The following IGF2BP1 variants were observed in gnomAD, a reference collection of about 807,000 sequenced individuals.
IGF2BP1 encodes insulin like growth factor 2 mRNA binding protein 1.
In IGF2BP1, 11 loss-of-function variants were observed where a neutral mutation model predicts 74.9. The observed-to-expected ratio is 0.15, with a 90% CI of 0.09 to 0.24. The LOEUF (loss-of-function observed/expected upper bound fraction) is 0.24. Ranked by LOEUF, IGF2BP1 falls within the 10% of genes least tolerant of loss-of-function variation. The pLI, the probability that IGF2BP1 is intolerant of heterozygous loss-of-function variation, is 1.00. For synonymous variants in IGF2BP1, 287 were observed against 281.8 expected (o/e 1.02, Z -0.18); for missense variants, 440 against 757.4 (o/e 0.58, Z 4.92).
upstream of IGF2BP1, among the ~76,000 whole-genome samples, chr17:48,997,063 A>G (rs900902150): frequency 4.0e-5 from 6 of 151,568 alleles, no homozygotes; most frequent in African/African-American, 1.2e-4. The surrounding 1 kb of genome is among the most constrained non-coding windows in gnomAD (Gnocchi z 4.8). Flanking sequence ...AAATAACCGT[A>G]CATTTTACCC....
intron 12 of IGF2BP1, among the ~76,000 whole-genome samples, chr17:49,045,655 A>G (rs532172144): frequency 4.6e-5 from 7 of 152,264 alleles, no homozygotes; most frequent in African/African-American, 1.4e-4. Context: ...GTGTTTATTC[A>G]ATTACTCATA....
In IGF2BP1 at chr17:49,049,493, C is replaced by T. The variant is rs1328099816; in HGVS notation, c.*49C>T. On this transcript the variant is annotated 3_prime_UTR_variant, in exon 15 of 15. Coordinates refer to ENST00000290341, the MANE Select transcript of IGF2BP1 (RefSeq NM_006546.4). The stretch of plus-strand genomic sequence containing the variant: ...GTCCAGGACAACAACGGGCAGAAAT[C>T]GAGAGTGTGCTCTCCCCGGCAGGCC... 4 of 1,503,264 alleles carry T rather than the reference C, an allele frequency of 2.7e-6. No homozygotes were observed. Among genetic ancestry groups the T allele is most frequent in the South Asian group, 1.1e-5 (1 of 87,596 alleles). 93.1% of individuals were successfully genotyped at this position (1,503,264 alleles called of 1,614,324 possible). A position where few individuals can be genotyped will look rare whatever the true frequency, so the allele number is the denominator to read the frequency against.
rs1006219314 is a variant in IGF2BP1, at chr17:49,052,916, A to G, written c.*3472A>G. 2.0e-5 allele frequency: 3 copies of G among 152,244 alleles called. No homozygotes were observed. The highest frequency in any genetic ancestry group is 6.5e-5 in the Admixed American group (1 of 15,282). The allele number at this position is 152,244 out of a possible 1,614,324, so 9.4% of individuals were successfully genotyped here. ...TTAAATTCTTTGAAACACATAACCAAAATGGTTTGATTCACTGACTGACTT... is the reference window on the plus strand; with the variant it reads ...TTAAATTCTTTGAAACACATAACCAGAATGGTTTGATTCACTGACTGACTT... On this transcript the variant is annotated 3_prime_UTR_variant, in exon 15 of 15. Transcript: ENST00000290341.
intron 3 of IGF2BP1, 96 bp downstream of exon 3, chr17:49,025,762 C>A: frequency 8.8e-7 from 1 of 1,130,652 alleles, no homozygotes; most frequent in Non-Finnish European, 1.3e-6. Flanking sequence ...TTGGGGAGGT[C>A]TGGGGCCAGG....
At chr17:49,015,783 TG>T (rs1037420726) in intron 2 of IGF2BP1, among the ~76,000 whole-genome samples, 18 of 152,156 alleles carry the variant, frequency 1.2e-4, no homozygotes, top group African/African-American at 3.6e-4. Context: ...TTGGCCTCCT[TG>T]GGGGCTGCTC....
intron 5 of IGF2BP1, among the ~76,000 whole-genome samples, chr17:49,033,365 G>A (rs902320750): frequency 1.0e-4 from 15 of 149,310 alleles, no homozygotes; most frequent in Admixed American, 3.3e-4. Flanking sequence ...TTTTTGAGAC[G>A]GAGTCTCACT....
chr17:49,005,404 G>A lies in IGF2BP1; in HGVS notation c.236+6235G>A, dbSNP rs568920217. Among the ~76,000 whole-genome samples, 4 of 152,310 alleles carry A rather than the reference G, an allele frequency of 2.6e-5. No individual in the cohort carries two copies. In the East Asian group the frequency reaches 7.7e-4, roughly 29 times the overall value. The stretch of plus-strand genomic sequence containing the variant: ...GCAAACTGCTTTTGACTGAAATAGA[G>A]AGCAAACAGCTCGATGATTAAGAGA... On this transcript the variant is annotated intron_variant, in intron 2 of 14. Transcript: ENST00000290341.
At chr17:49,025,719 T>TA in intron 3 of IGF2BP1, 53 bp downstream of exon 3, 2 of 1,544,726 alleles carry the variant, frequency 1.3e-6, no homozygotes, top group Admixed American at 3.4e-5. Context: ...GCCTGGAAAG[T>TA]ACGTCTGGAC....
intron 2 of IGF2BP1, among the ~76,000 whole-genome samples, chr17:49,014,444 C>T (rs1016378101): frequency 6.6e-6 from 1 of 151,720 alleles, no homozygotes; most frequent in Non-Finnish European, 1.5e-5. Flanking sequence ...CAAGGATAGG[C>T]GAGAACCATC....
chr17:49,013,525 C>T (rs1047925263), intron 2 of IGF2BP1: 1 of 152,602 alleles, frequency 6.6e-6, no homozygotes, highest in African/African-American at 2.4e-5. Context: ...CAGCCTCTCC[C>T]TGGCTTCCCG....
At chr17:49,009,910 T>C (rs535501995) in intron 2 of IGF2BP1, among the ~76,000 whole-genome samples, 51 of 152,082 alleles carry the variant, frequency 3.4e-4, no homozygotes, top group Non-Finnish European at 6.0e-4. Context: ...TGAAACCCTG[T>C]CTCTACTAAA....
At position 49,026,338 on chromosome 17, in the gene IGF2BP1, A is replaced by G. The variant is rs926582253; in HGVS notation, c.286-128A>G. ...CCTAGAAAGGTCACACTGGACAGGT[A>G]ATAATGCTCAAACACTCCTATGGCT... On this transcript the variant is annotated intron_variant, in intron 3 of 14. Coordinates refer to ENST00000290341, the MANE Select transcript of IGF2BP1 (RefSeq NM_006546.4). 23 of 772,464 alleles carry G rather than the reference A, an allele frequency of 3.0e-5. 1 individual carries two copies. The East Asian group carries it at 3.0e-4, about 10-fold the overall frequency. 47.9% of individuals were successfully genotyped at this position (772,464 alleles called of 1,614,324 possible).
At position 48,999,199 on chromosome 17, in the gene IGF2BP1, GGGGGGCCGC is replaced by G; in HGVS notation, c.236+36_236+44del. The G allele has an allele frequency of 1.8e-5, 11 of 606,202 alleles. 1 individual carries two copies. Among genetic ancestry groups the G allele is most frequent in the Non-Finnish European group, 3.3e-5 (11 of 336,508 alleles). 37.6% of individuals were successfully genotyped at this position (606,202 alleles called of 1,614,324 possible). A position where few individuals can be genotyped will look rare whatever the true frequency, so the allele number is the denominator to read the frequency against. On this transcript the variant is annotated intron_variant, in intron 2 of 14. Coordinates refer to ENST00000290341, the MANE Select transcript of IGF2BP1 (RefSeq NM_006546.4). ...GAAAGAGCTCTTTTCGGGGGGGGTG[GGGGGGCCGC>G]GGGGGTGTGCTGTGAAGCTGTGTTC...
At chr17:49,014,705 C>T in intron 2 of IGF2BP1, 6 of 905,260 alleles carry the variant, frequency 6.6e-6, no homozygotes, top group Non-Finnish European at 7.9e-6. Context: ...AGGGCTACTG[C>T]GCAGCGGCCG....
chr17:49,019,945 TATATTTATATAC>T lies in IGF2BP1; in HGVS notation c.237-5671_237-5660del, dbSNP rs1175874214. Among the ~76,000 whole-genome samples, 252 of 44,230 alleles carry T rather than the reference TATATTTATATAC, an allele frequency of 5.7e-3. 3 individuals carry two copies. Among genetic ancestry groups the T allele is most frequent in the African/African-American group, 0.025 (237 of 9,584 alleles). 29.0% of individuals were successfully genotyped at this position (44,230 alleles called of 152,430 possible). ...ATATATATATATATATATATATATATATATTTATATACACACACACACACACACACATACACC... is the reference window on the plus strand; with the variant it reads ...ATATATATATATATATATATATATATACACACACACACACACACATACACC... On this transcript the variant is annotated intron_variant, in intron 2 of 14. Transcript: ENST00000290341.
chr17:49,045,860 C>T, intron 12 of IGF2BP1, 30 bp from the exon 13 acceptor site: 1 of 1,607,790 alleles, frequency 6.2e-7, no homozygotes. Context: ...ATATATGAAC[C>T]ACTGATTAAC....
chr17:49,053,358 C>A lies in IGF2BP1; in HGVS notation c.*3914C>A, dbSNP rs1156878582. 1 of 152,750 alleles carries A rather than the reference C, an allele frequency of 6.5e-6. No individual in the cohort carries two copies. Among genetic ancestry groups the A allele is most frequent in the Admixed American group, 6.5e-5 (1 of 15,284 alleles). The allele number at this position is 152,750 out of a possible 1,614,324, so 9.5% of individuals were successfully genotyped here. The stretch of plus-strand genomic sequence containing the variant: ...CAGCTTTCGACACATACCTGGCTGT[C>A]TGAGGAGGAAGGCCTCCTGGAAACT... On this transcript the variant is annotated 3_prime_UTR_variant, in exon 15 of 15. Transcript: ENST00000290341.
chr17:49,040,128 C>T (rs376067572), intron 7 of IGF2BP1, 37 bp downstream of exon 7: 3 of 1,610,376 alleles, frequency 1.9e-6, no homozygotes, highest in Middle Eastern at 1.7e-4. Flanking sequence ...TCAGGGTCTG[C>T]TAGTCCAGTT....
At chr17:49,046,461 C>T (rs1470388473) in intron 14 of IGF2BP1, 88 bp downstream of exon 14, 24 of 979,966 alleles carry the variant, frequency 2.4e-5, no homozygotes, top group Admixed American at 4.1e-5. Context: ...ACCTTCATGA[C>T]GTTGACAAGT....
Sources: gnomAD v4.1 joint callset for allele counts (sites outside exome capture counted in the v4.1 genomes callset) on GRCh38, gnomAD v4.1.1 for gene constraint, Gnocchi (gnomAD v3.1) non-coding constraint, MANE v1.5 for transcripts, NCBI Gene and HGNC (gene_info 2026-07-23, HGNC 2026-07-21) for gene names.